The following CHCHD3 variants were observed in gnomAD, a reference collection of about 807,000 sequenced individuals.
CHCHD3 encodes MICOS complex subunit MIC19.
A neutral mutation model predicts 38.2 loss-of-function variants in CHCHD3; 20 were observed. The ratio of observed to expected loss-of-function variants is 0.52; its 90% confidence interval spans 0.37 to 0.76. The LOEUF is 0.76. Ranked by LOEUF, CHCHD3 falls within the 30% of genes least tolerant of loss-of-function variation. The probability of loss-of-function intolerance (pLI) is 0.00; values close to 1 mark genes in which losing one functional copy is unlikely to be tolerated. For missense variants in CHCHD3, 245 were observed against 279.2 expected (o/e 0.88, Z 0.87); for synonymous variants, 82 against 100.0 (o/e 0.82, Z 1.07).
At chr7:133,037,353 G>A (rs1024252982) in intron 2 of CHCHD3, among the ~76,000 whole-genome samples, 3 of 152,116 alleles carry the variant, frequency 2.0e-5, no homozygotes, top group African/African-American at 7.2e-5. Context: ...TCCAAAAACA[G>A]TGAAATGGTC....
At chr7:132,822,212 GTA>G (rs1021109466) in intron 6 of CHCHD3, among the ~76,000 whole-genome samples, 1 of 152,104 alleles carries the variant, frequency 6.6e-6, no homozygotes, top group African/African-American at 2.4e-5. Flanking sequence ...TTCAAAAGAG[GTA>G]TGGATTGACA....
intron 5 of CHCHD3, among the ~76,000 whole-genome samples, chr7:132,848,378 G>C (rs1487337394): frequency 2.6e-5 from 4 of 152,168 alleles, no homozygotes; most frequent in Non-Finnish European, 4.4e-5. Context: ...TTTTCCCAAA[G>C]GTGAGAGTTA....
At chr7:133,074,697 T>A (rs1416668317) in intron 1 of CHCHD3, among the ~76,000 whole-genome samples, 2 of 152,182 alleles carry the variant, frequency 1.3e-5, no homozygotes, top group East Asian at 3.8e-4. Context: ...AAAATAAGCT[T>A]ACATTTTTAG....
intron 4 of CHCHD3, among the ~76,000 whole-genome samples, chr7:132,907,787 T>C (rs903574878): frequency 2.6e-5 from 4 of 152,112 alleles, no homozygotes; most frequent in African/African-American, 9.7e-5. Context: ...TTAAAGGGCC[T>C]GTTGAAAGGA....
chr7:132,927,189 A>G (rs1487342415), intron 4 of CHCHD3, among the ~76,000 whole-genome samples: 1 of 152,238 alleles, frequency 6.6e-6, no homozygotes, highest in Non-Finnish European at 1.5e-5. Context: ...CCCAAAATGC[A>G]GTATAGAAAG....
At chr7:132,834,960 AT>A (rs554342183) in intron 6 of CHCHD3, among the ~76,000 whole-genome samples, 370 of 92,192 alleles carry the variant, frequency 4.0e-3, no homozygotes, top group African/African-American at 0.01. Flanking sequence ...TTATTTATTT[AT>A]TTATTTATTT....
chr7:132,863,140 G>A (rs1808535901), intron 5 of CHCHD3, among the ~76,000 whole-genome samples: 1 of 152,088 alleles, frequency 6.6e-6, no homozygotes, highest in Non-Finnish European at 1.5e-5. Flanking sequence ...ACTTTTCCCA[G>A]ATCATTCAAG....
At chr7:132,972,714 T>C (rs1050023118) in intron 4 of CHCHD3, 1 of 985,462 alleles carries the variant, frequency 1.0e-6, no homozygotes, top group Non-Finnish European at 1.2e-6. Context: ...TGTCATCCTA[T>C]GGCATAAATT....
chr7:132,792,962 G>A (rs1806501940), intron 7 of CHCHD3, among the ~76,000 whole-genome samples: 1 of 152,206 alleles, frequency 6.6e-6, no homozygotes, highest in South Asian at 2.1e-4. Flanking sequence ...ATAGTAGAGA[G>A]GTGGTATGTC....
intron 4 of CHCHD3, among the ~76,000 whole-genome samples, chr7:132,939,782 G>A (rs1278217439): frequency 6.6e-6 from 1 of 152,112 alleles, no homozygotes; most frequent in African/African-American, 2.4e-5. Flanking sequence ...GGAAAATGCT[G>A]GAAAGACATT....
rs1022946143 is a variant in CHCHD3 at position 132,788,710 on chromosome 7, C to A, written c.661-3050G>T. On this transcript the variant is annotated intron_variant, in intron 7 of 7. Coordinates refer to ENST00000262570, the MANE Select transcript of CHCHD3 (RefSeq NM_017812.4). This position sits in a 1 kb window ranked among gnomAD's most constrained non-coding sequence, Gnocchi z 4.0. ...ACTAAAAGAAGTAACATTTTAATAA[C>A]CCCTTTAGCCACATTCACAAAATAC... 3.3e-5 allele frequency among the ~76,000 whole-genome samples: 5 copies of A among 152,174 alleles called. No individual in the cohort carries two copies. The highest frequency in any genetic ancestry group is 1.3e-4 in the Admixed American group (2 of 15,276).
intron 4 of CHCHD3, among the ~76,000 whole-genome samples, chr7:132,903,640 C>T (rs1034917326): frequency 2.6e-5 from 4 of 152,166 alleles, no homozygotes; most frequent in Admixed American, 2.0e-4. Context: ...GTCTTGCCTT[C>T]TGGGGAAGTC....
intron 6 of CHCHD3, among the ~76,000 whole-genome samples, chr7:132,797,860 T>C (rs1806661128): frequency 6.6e-6 from 1 of 152,158 alleles, no homozygotes. Flanking sequence ...ATTAAATACA[T>C]ACAGAGAAAA....
At chr7:133,058,587 A>G (rs947541925) in intron 2 of CHCHD3, among the ~76,000 whole-genome samples, 4 of 152,202 alleles carry the variant, frequency 2.6e-5, no homozygotes, top group Non-Finnish European at 4.4e-5. Context: ...GATTTAAATC[A>G]AATTTATCCT....
chr7:132,918,224 T>C (rs1294785415), intron 4 of CHCHD3, among the ~76,000 whole-genome samples: 1 of 152,118 alleles, frequency 6.6e-6, no homozygotes, highest in Non-Finnish European at 1.5e-5. Context: ...GGGGATGATA[T>C]AATTAGGGAG....
At chr7:133,020,108 T>C (rs1584648212) in intron 3 of CHCHD3, among the ~76,000 whole-genome samples, 1 of 152,142 alleles carries the variant, frequency 6.6e-6, no homozygotes, top group East Asian at 1.9e-4. Context: ...AAAATTTTCG[T>C]GTGTGCACTA....
chr7:132,946,035 TA>T (rs1360878473), intron 4 of CHCHD3, among the ~76,000 whole-genome samples: 1 of 151,950 alleles, frequency 6.6e-6, no homozygotes, highest in Non-Finnish European at 1.5e-5. Context: ...ATAAAATGCA[TA>T]AAATTAGACA....
intron 7 of CHCHD3, among the ~76,000 whole-genome samples, chr7:132,796,129 A>G (rs1182227654): frequency 6.6e-6 from 1 of 152,106 alleles, no homozygotes; most frequent in African/African-American, 2.4e-5. Flanking sequence ...ATTGGCCTAA[A>G]AGTATGAGGA....
At chr7:132,853,680 T>C (rs1808276334) in intron 5 of CHCHD3, among the ~76,000 whole-genome samples, 1 of 152,092 alleles carries the variant, frequency 6.6e-6, no homozygotes, top group Non-Finnish European at 1.5e-5. Flanking sequence ...ACACTTAATA[T>C]CTATATTCAA....
Sources: allele counts gnomAD v4.1 joint callset (sites outside exome capture counted in the v4.1 genomes callset), GRCh38; gene constraint gnomAD v4.1.1; non-coding constraint Gnocchi (gnomAD v3.1); transcripts MANE v1.5; gene names NCBI Gene and HGNC (gene_info 2026-07-23, HGNC 2026-07-21).